The following PLD1 variants were observed in gnomAD, a reference collection of about 807,000 sequenced individuals.
PLD1 encodes the protein choline phosphatase 1.
Under a neutral mutation model 137.1 loss-of-function variants are expected in PLD1, and 112 were observed. That is an observed-to-expected ratio of 0.82 (90% CI 0.70 to 0.96). The LOEUF is 0.96. PLD1 is among the 40% of genes least tolerant of loss of function. PLD1 has a pLI of 0.00. For synonymous variants in PLD1, 431 were observed against 454.7 expected, an observed-to-expected ratio of 0.95 and a Z score of 0.66; for missense variants, 1,321 against 1,342.0, an observed-to-expected ratio of 0.98 and a Z score of 0.24.
chr3:171,802,746 G>T (rs568908929), intron 1 of PLD1, among the ~76,000 whole-genome samples: 27 of 152,330 alleles, frequency 1.8e-4, no homozygotes, highest in African/African-American at 5.8e-4. Flanking sequence ...TCCAATGAAT[G>T]AGCATGAGAA....
At chr3:171,618,852 TGTGTGC>T (rs1256446591) in intron 24 of PLD1, among the ~76,000 whole-genome samples, 2 of 142,414 alleles carry the variant, frequency 1.4e-5, no homozygotes, top group East Asian at 2.0e-4. Flanking sequence ...ATTAAAAGTG[TGTGTGC>T]GTGTGTGTGT....
chr3:171,644,769 G>C lies in PLD1; in HGVS notation c.2543+141C>G, dbSNP rs184179375. 6.4e-6 allele frequency: 4 copies of C among 620,716 alleles called. No homozygotes were observed. The Admixed American group carries it at 7.9e-5, about 12-fold the overall frequency. 38.5% of individuals were successfully genotyped at this position (620,716 alleles called of 1,614,324 possible). ...TTTGAATTTTATCAACTAGCAAACG[G>C]GCCAAGATTTGAAAGTAAAATAAAG... On this transcript the variant is annotated intron_variant, in intron 22 of 26. Transcript: ENST00000351298.
chr3:171,613,352 C>T (rs1228224170), intron 24 of PLD1, among the ~76,000 whole-genome samples: 1 of 152,102 alleles, frequency 6.6e-6, no homozygotes, highest in Non-Finnish European at 1.5e-5. Flanking sequence ...CCTTGTGGCA[C>T]AAAAGATTCT....
intron 16 of PLD1, among the ~76,000 whole-genome samples, chr3:171,681,712 T>C (rs968592941): frequency 6.6e-6 from 1 of 152,148 alleles, no homozygotes; most frequent in African/African-American, 2.4e-5. Context: ...CCTCAATGAA[T>C]TACTAAAATA....
chr3:171,660,047 T>G (rs1737538860), intron 20 of PLD1, among the ~76,000 whole-genome samples: 2 of 152,210 alleles, frequency 1.3e-5, no homozygotes, highest in Non-Finnish European at 2.9e-5. Context: ...TTGGTGCAAA[T>G]ATTACTAATG....
chr3:171,724,723 C>T lies in PLD1; in HGVS notation c.731G>A (p.Gly244Glu), dbSNP rs762549670. 1 of 1,609,714 alleles carries T rather than the reference C, an allele frequency of 6.2e-7. No individual in the cohort carries two copies. The highest frequency in any genetic ancestry group is 8.5e-7 in the Non-Finnish European group (1 of 1,176,454). ...RIPGLNCCGQGRACYRWSKRW... is the reference protein window; with the variant it reads ...RIPGLNCCGQERACYRWSKRW... ...TTTTGACCATCTGTAGCAGGCTCTT[C>T]CCTGACCACAGCAATTCAAGCCTGG... The change falls in exon 8 of 27, where the codon GGA becomes GAA. Residue 244 changes from glycine (G) to glutamate (E), a missense_variant. Gly to Glu is a moderately conservative substitution (Grantham distance 98). Transcript: ENST00000351298.
intron 26 of PLD1, 113 bp downstream of exon 26, chr3:171,605,185 CT>C (rs1732107619): frequency 1.4e-6 from 1 of 739,694 alleles, no homozygotes; most frequent in African/African-American, 1.7e-5. Context: ...CATGTATTAG[CT>C]TTTTTACGTT....
At chr3:171,758,564 A>G (rs759408147) in intron 1 of PLD1, among the ~76,000 whole-genome samples, 14 of 152,164 alleles carry the variant, frequency 9.2e-5, no homozygotes, top group Non-Finnish European at 1.9e-4. Flanking sequence ...CCTTGGCCAC[A>G]CTCTGGAAAC....
intron 1 of PLD1, among the ~76,000 whole-genome samples, chr3:171,751,474 A>G (rs148091574): frequency 1.3e-5 from 2 of 152,316 alleles, no homozygotes; most frequent in African/African-American, 2.4e-5. Flanking sequence ...TAAAAAATAC[A>G]AAGAACAAGG....
At chr3:171,797,361 A>G (rs1166044212) in intron 1 of PLD1, among the ~76,000 whole-genome samples, 3 of 152,344 alleles carry the variant, frequency 2.0e-5, no homozygotes, top group South Asian at 2.1e-4. Flanking sequence ...TGTGTCAGCT[A>G]AACCATTAGA....
intron 8 of PLD1, among the ~76,000 whole-genome samples, chr3:171,717,978 G>C (rs1182209956): frequency 6.6e-6 from 1 of 152,182 alleles, no homozygotes; most frequent in African/African-American, 2.4e-5. Flanking sequence ...CATCTATTGA[G>C]ATAATCAGGT....
At chr3:171,639,864 A>ATATATATC in intron 23 of PLD1, among the ~76,000 whole-genome samples, 1 of 142,434 alleles carries the variant, frequency 7.0e-6, no homozygotes, top group African/African-American at 2.6e-5. Flanking sequence ...ATATATATAT[A>ATATATATC]TCTCCTATTG....
At chr3:171,650,945 A>G (rs1355698259) in intron 21 of PLD1, among the ~76,000 whole-genome samples, 1 of 152,180 alleles carries the variant, frequency 6.6e-6, no homozygotes, top group Non-Finnish European at 1.5e-5. Flanking sequence ...ATTGCTATAA[A>G]GCTGTTTGTA....
At chr3:171,616,224 G>T (rs1733100550) in intron 24 of PLD1, among the ~76,000 whole-genome samples, 1 of 152,106 alleles carries the variant, frequency 6.6e-6, no homozygotes, top group South Asian at 2.1e-4. Flanking sequence ...TAAATGGGTT[G>T]CAAATATTTC....
intron 18 of PLD1, among the ~76,000 whole-genome samples, chr3:171,676,204 A>G (rs574356215): frequency 1.3e-5 from 2 of 152,208 alleles, no homozygotes; most frequent in African/African-American, 4.8e-5. Context: ...TCTTACAAGT[A>G]ATGAGGACAC....
chr3:171,600,742 T>C lies in PLD1; in HGVS notation c.*2336A>G, dbSNP rs1227971431. 1 of 151,650 alleles carries C rather than the reference T, an allele frequency of 6.6e-6. No individual in the cohort carries two copies. The highest frequency in any genetic ancestry group is 1.5e-5 in the Non-Finnish European group (1 of 67,980). 9.4% of individuals were successfully genotyped at this position (151,650 alleles called of 1,614,324 possible). ...GTAAATCTTATCACCCCTTTGCAGATGAGCATCTTGTCTTTGGGAAGATGC... is the reference window on the plus strand; with the variant it reads ...GTAAATCTTATCACCCCTTTGCAGACGAGCATCTTGTCTTTGGGAAGATGC... On this transcript the variant is annotated 3_prime_UTR_variant, in exon 27 of 27. Coordinates refer to ENST00000351298, the MANE Select transcript of PLD1 (RefSeq NM_002662.5).
At chr3:171,652,766 A>AT (rs1174564536) in intron 21 of PLD1, among the ~76,000 whole-genome samples, 2,468 of 75,586 alleles carry the variant, frequency 0.033, 467 homozygotes, top group African/African-American at 0.088. Flanking sequence ...ACACTCAGCT[A>AT]TTTTTTTTTT....
chr3:171,657,078 G>A (rs1162828269), intron 21 of PLD1, among the ~76,000 whole-genome samples: 2 of 152,164 alleles, frequency 1.3e-5, no homozygotes, highest in African/African-American at 4.8e-5. Context: ...GCTCAAAGCT[G>A]TTTTTTGCCT....
At chr3:171,637,874 G>A (rs1311697340) in intron 23 of PLD1, among the ~76,000 whole-genome samples, 1 of 152,012 alleles carries the variant, frequency 6.6e-6, no homozygotes, top group Non-Finnish European at 1.5e-5. Flanking sequence ...CATGGTATAA[G>A]AGATCAAAAA....
Sources: allele counts gnomAD v4.1 joint callset (sites outside exome capture counted in the v4.1 genomes callset), GRCh38; gene constraint gnomAD v4.1.1; transcripts MANE v1.5; gene names NCBI Gene and HGNC (gene_info 2026-07-23, HGNC 2026-07-21).